The following TRIM36 variants were observed in gnomAD, a reference collection of about 807,000 sequenced individuals.
TRIM36 encodes E3 ubiquitin-protein ligase TRIM36.
A neutral mutation model predicts 72.4 loss-of-function variants in TRIM36; 42 were observed. That is an observed-to-expected ratio of 0.58 (90% confidence interval 0.45 to 0.75). The LOEUF (loss-of-function observed/expected upper bound fraction) is 0.75, where lower values mean the gene tolerates loss of function less well. TRIM36 is among the 30% of genes least tolerant of loss of function. The pLI is 0.00. For missense variants in TRIM36, 913 were observed against 857.1 expected (o/e 1.07, Z -0.81); for synonymous variants, 315 against 282.8 (o/e 1.11, Z -1.14).
intron 2 of TRIM36, among the ~76,000 whole-genome samples, chr5:115,157,005 C>T (rs1469528718): frequency 6.6e-6 from 1 of 152,078 alleles, no homozygotes; most frequent in Non-Finnish European, 1.5e-5. Context: ...GGGCTAAGGA[C>T]ATGAATAGAC....
intron 2 of TRIM36, among the ~76,000 whole-genome samples, chr5:115,156,296 A>C (rs1754177512): frequency 6.6e-6 from 1 of 151,896 alleles, no homozygotes; most frequent in Non-Finnish European, 1.5e-5. Context: ...CATTCATCAC[A>C]AATTAAAAAA....
intron 2 of TRIM36, among the ~76,000 whole-genome samples, chr5:115,152,336 G>A (rs1753937296): frequency 6.6e-6 from 1 of 152,010 alleles, no homozygotes; most frequent in Non-Finnish European, 1.5e-5. Flanking sequence ...GAAAGAATAA[G>A]AAAATATGAA....
chr5:115,131,666 G>A (rs188984031), intron 8 of TRIM36, among the ~76,000 whole-genome samples: 228 of 152,236 alleles, frequency 1.5e-3, no homozygotes, highest in African/African-American at 5.3e-3. Context: ...GCTACAACAT[G>A]GATAAATTTG....
At position 115,151,040 on chromosome 5, in the gene TRIM36, T is replaced by C. The variant is rs530557060; in HGVS notation, c.263-3646A>G. ...GATGGAGAAGCCTCCTGGCCACAACTTGGGGGAGGGTGTAAATCCAGTGTG... is the reference window on the plus strand; with the variant it reads ...GATGGAGAAGCCTCCTGGCCACAACCTGGGGGAGGGTGTAAATCCAGTGTG... On this transcript the variant is annotated intron_variant, in intron 2 of 9. Coordinates refer to ENST00000513154, the MANE Select transcript of TRIM36 (RefSeq NM_001300759.2). Among the ~76,000 whole-genome samples, 7 of 152,268 alleles carry C rather than the reference T, an allele frequency of 4.6e-5. No individual in the cohort carries two copies. In the South Asian group the frequency reaches 8.3e-4, roughly 18 times the overall value.
intron 4 of TRIM36, among the ~76,000 whole-genome samples, 161 bp from the exon 5 acceptor site, chr5:115,141,535 G>A (rs1465363174): frequency 6.6e-6 from 1 of 152,094 alleles, no homozygotes; most frequent in African/African-American, 2.4e-5. Context: ...GGAGTAAACA[G>A]TTAATGGCCT....
upstream of TRIM36, chr5:115,174,204 A>G (rs547081114): frequency 1.1e-4 from 16 of 152,362 alleles, no homozygotes; most frequent in African/African-American, 3.6e-4. Flanking sequence ...CATGGTGCAT[A>G]TTAATTGGTT....
chr5:115,172,333 G>A (rs990205837), upstream of TRIM36, among the ~76,000 whole-genome samples: 1 of 152,082 alleles, frequency 6.6e-6, no homozygotes, highest in African/African-American at 2.4e-5. Context: ...ACAAAAACAT[G>A]TACAAAGAGC....
Position 115,144,505 on chromosome 5 carries a change from C to G in TRIM36, c.735+93G>C, listed in dbSNP as rs971964697. ...TTAACTCATTTTAGTACAAAAGAGACCATATAACACACCATGATTTTATAA... is the reference window on the plus strand; with the variant it reads ...TTAACTCATTTTAGTACAAAAGAGAGCATATAACACACCATGATTTTATAA... On this transcript the variant is annotated intron_variant, in intron 4 of 9. Coordinates refer to ENST00000513154, the MANE Select transcript of TRIM36 (RefSeq NM_001300759.2). 47 of 1,458,900 alleles carry G rather than the reference C, an allele frequency of 3.2e-5. No homozygotes were observed. The Admixed American group carries it at 6.4e-4, about 20-fold the overall frequency. 90.4% of individuals were successfully genotyped at this position (1,458,900 alleles called of 1,614,324 possible).
chr5:115,153,296 C>T (rs1332499372), intron 2 of TRIM36, among the ~76,000 whole-genome samples: 1 of 152,060 alleles, frequency 6.6e-6, no homozygotes, highest in East Asian at 1.9e-4. Flanking sequence ...CAAAGAAGGA[C>T]ATTAAATAAT....
chr5:115,126,841 C>T lies in TRIM36; in HGVS notation c.1813G>A (p.Gly605Arg). 1.9e-6 allele frequency: 3 copies of T among 1,612,540 alleles called. No individual in the cohort carries two copies. The highest frequency in any genetic ancestry group is 2.5e-6 in the Non-Finnish European group (3 of 1,179,248). The change falls in exon 10 of 10, where the codon GGG becomes AGG. Residue 605 changes from glycine (G) to arginine (R), a missense_variant. Coordinates refer to ENST00000513154, the MANE Select transcript of TRIM36 (RefSeq NM_001300759.2). Reference protein sequence around the residue: ...AVSPRYEQDSGHDSGSEDACF... With the variant: ...AVSPRYEQDSRHDSGSEDACF... The stretch of plus-strand genomic sequence containing the variant: ...GCATCCTCACTTCCACTGTCATGCC[C>T]ACTGTCTTGCTCATATCTGAAACAT...
Position 115,141,371 on chromosome 5 carries a change from T to C in TRIM36, c.739A>G (p.Lys247Glu), listed in dbSNP as rs1398712027. 1.3e-6 allele frequency: 2 copies of C among 1,582,404 alleles called. No individual in the cohort carries two copies. Among genetic ancestry groups the C allele is most frequent in the Admixed American group, 2.0e-5 (1 of 50,820 alleles). Residue 247 changes from lysine to glutamate, a missense_variant, in exon 5 of 10, where the codon AAG becomes GAG. Lys to Glu is a moderately conservative substitution (Grantham distance 56, BLOSUM62 1). Transcript: ENST00000513154. ...MSSAYKTLKE[K>E]LSKDIDYLIG... Reference sequence around the variant, plus strand: ...AGGTAATCAATATCCTTTGAAAGCTTTTCCTGTTGAAACATATTCGTAACA... The same window carrying C: ...AGGTAATCAATATCCTTTGAAAGCTCTTCCTGTTGAAACATATTCGTAACA...
At position 115,134,597 on chromosome 5, in the gene TRIM36, C is replaced by T. The variant is rs561439978; in HGVS notation, c.1211-450G>A. Among the ~76,000 whole-genome samples the T allele has an allele frequency of 3.3e-5, 5 of 151,696 alleles. No homozygotes were observed. The South Asian group carries it at 1.0e-3, about 31-fold the overall frequency. ...GCTCTGTTGCCAAGGCTGGAGTGCA[C>T]TGGCATGATCTCAGCTCACTCCAAC... On this transcript the variant is annotated intron_variant, in intron 7 of 9. Transcript: ENST00000513154.
At chr5:115,152,436 G>A (rs1054404027) in intron 2 of TRIM36, among the ~76,000 whole-genome samples, 1 of 152,124 alleles carries the variant, frequency 6.6e-6, no homozygotes, top group African/African-American at 2.4e-5. Context: ...CTAAAAGTTT[G>A]GAAAACATAT....
chr5:115,133,220 T>C (rs189659571), intron 8 of TRIM36, among the ~76,000 whole-genome samples: 4 of 152,216 alleles, frequency 2.6e-5, no homozygotes, highest in African/African-American at 9.6e-5. Flanking sequence ...GGAGACATCA[T>C]AGTGAACATC....
At chr5:115,139,640 G>C (rs1753168488) in intron 5 of TRIM36, among the ~76,000 whole-genome samples, 1 of 152,148 alleles carries the variant, frequency 6.6e-6, no homozygotes, top group Admixed American at 6.5e-5. Flanking sequence ...TATCATTATA[G>C]ATAGATTTTT....
At chr5:115,163,481 C>A (rs766992306) in intron 2 of TRIM36, 37 bp downstream of exon 2, 10 of 1,559,020 alleles carry the variant, frequency 6.4e-6, no homozygotes, top group Non-Finnish European at 8.8e-6. Context: ...ATAAGCTTAC[C>A]CCCACTACCA....
At chr5:115,161,581 T>C (rs912860351) in intron 2 of TRIM36, among the ~76,000 whole-genome samples, 5 of 152,222 alleles carry the variant, frequency 3.3e-5, no homozygotes. Flanking sequence ...AGATTTCACA[T>C]GGAAACCACT....
chr5:115,150,699 C>T (rs531386234), intron 2 of TRIM36, among the ~76,000 whole-genome samples: 3 of 152,164 alleles, frequency 2.0e-5, no homozygotes, highest in Non-Finnish European at 4.4e-5. Flanking sequence ...CTGGGAGACA[C>T]GCTAAATACT....
At chr5:115,135,022 C>T (rs1752889543) in intron 7 of TRIM36, among the ~76,000 whole-genome samples, 1 of 148,816 alleles carries the variant, frequency 6.7e-6, no homozygotes, top group South Asian at 2.2e-4. Flanking sequence ...ATAGATCTCG[C>T]CAGTATTTTC....
Sources: allele counts gnomAD v4.1 joint callset (sites outside exome capture counted in the v4.1 genomes callset), GRCh38; gene constraint gnomAD v4.1.1; transcripts MANE v1.5; gene names NCBI Gene and HGNC (gene_info 2026-07-23, HGNC 2026-07-21).